MKRN2: variants seen among roughly 807,000 people sequenced by gnomAD.
The protein encoded by MKRN2 is makorin ring finger protein 2.
MKRN2 carries 32 observed loss-of-function variants against 45.4 expected under a neutral mutation model. The observed-to-expected ratio is 0.70, with a 90% CI of 0.53 to 0.95. MKRN2 has a LOEUF of 0.95. Ranked by LOEUF, MKRN2 falls within the 40% of genes least tolerant of loss-of-function variation. MKRN2 has a pLI of 0.00. For missense variants in MKRN2, 526 were observed against 536.7 expected (o/e 0.98, Z 0.20); for synonymous variants, 206 against 192.4 (o/e 1.07, Z -0.59).
chr3:12,570,171 G>A lies in MKRN2; in HGVS notation c.256G>A (p.Glu86Lys), dbSNP rs748060166. 1.3e-5 allele frequency: 21 copies of A among 1,614,020 alleles called. No individual in the cohort carries two copies. Among genetic ancestry groups the A allele is most frequent in the Middle Eastern group, 1.6e-4 (1 of 6,084 alleles). Residue 86 changes from glutamate to lysine, a missense_variant, in exon 3 of 8, where the codon GAG becomes AAG. Glu to Lys is a moderately conservative substitution (Grantham distance 56). Transcript: ENST00000170447. Reference sequence around the variant, plus strand: ...TTTCCACAGTCCTCACCCTCCTTCCGAGGTCACTGCATCCATTGTGAAAAC... The same window carrying A: ...TTTCCACAGTCCTCACCCTCCTTCCAAGGTCACTGCATCCATTGTGAAAAC... ...PAFHSPHPPS[E>K]VTASIVKTNS... is the part of the protein sequence containing the mutation.
chr3:12,568,962 G>C lies in MKRN2; in HGVS notation c.114G>C (p.Lys38Asn). 6.2e-7 allele frequency: 1 copy of C among 1,614,158 alleles called. No individual in the cohort carries two copies. The highest frequency in any genetic ancestry group is 1.1e-5 in the South Asian group (1 of 91,074). Residue 38 changes from lysine to asparagine, a missense_variant, in exon 2 of 8, where the codon AAG becomes AAC. Physicochemically the swap from Lys to Asn is moderately conservative, Grantham distance 94. Coordinates refer to ENST00000170447, the MANE Select transcript of MKRN2 (RefSeq NM_014160.5). ...LANSKPSTIC[K>N]YYQKGYCAYG... ...ACAGCAAACCGTCCACCATCTGCAA[G>C]TACTACCAGAAGGGCTACTGTGCCT...
chr3:12,568,997 G>T lies in MKRN2; in HGVS notation c.149G>T (p.Arg50Leu). Residue 50 changes from arginine to leucine, a missense_variant, in exon 2 of 8, where the codon CGG (arginine) becomes CTG (leucine). Arg to Leu is a moderately radical substitution (Grantham distance 102, BLOSUM62 -2). Coordinates refer to ENST00000170447, the MANE Select transcript of MKRN2 (RefSeq NM_014160.5). ...AAGGGCTACTGTGCCTATGGAACTC[G>T]GTGCAGGCAAGGACTCTGCAACAGA... ...YQKGYCAYGT[R>L]CRYDHTRPSA... is the part of the protein sequence containing the mutation. 1 of 1,613,812 alleles carries T rather than the reference G, an allele frequency of 6.2e-7. No homozygotes were observed. Among genetic ancestry groups the T allele is most frequent in the South Asian group, 1.1e-5 (1 of 90,972 alleles).
At chr3:12,580,852 G>A (rs112895579) in intron 6 of MKRN2, among the ~76,000 whole-genome samples, 15 of 152,348 alleles carry the variant, frequency 9.8e-5, no homozygotes, top group African/African-American at 3.4e-4. Context: ...AAAACCACTG[G>A]ATTCAGGAGC....
intron 1 of MKRN2, among the ~76,000 whole-genome samples, chr3:12,559,491 T>A (rs2058018207): frequency 6.6e-6 from 1 of 152,158 alleles, no homozygotes; most frequent in Admixed American, 6.5e-5. Flanking sequence ...TTTTCCTGAC[T>A]GTGGGATGTG....
At chr3:12,580,578 C>T (rs2058170995) in intron 6 of MKRN2, among the ~76,000 whole-genome samples, 1 of 152,154 alleles carries the variant, frequency 6.6e-6, no homozygotes, top group African/African-American at 2.4e-5. Context: ...TCAGCCTCAG[C>T]CTCCCGAGTA....
chr3:12,578,312 C>CTTT (rs71063833), intron 6 of MKRN2, among the ~76,000 whole-genome samples: 802 of 71,186 alleles, frequency 0.011, 5 homozygotes, highest in Middle Eastern at 0.026. Context: ...AGAGCTACTT[C>CTTT]TTTTTTTTTT....
chr3:12,570,020 G>A (rs1162276613), intron 2 of MKRN2, 51 bp from the exon 3 acceptor site: 1 of 1,504,630 alleles, frequency 6.6e-7, no homozygotes, highest in African/African-American at 1.4e-5. Flanking sequence ...GAGTGTGGGA[G>A]ATGTGTGTGG....
At chr3:12,557,848 G>A (rs1559385261) in intron 1 of MKRN2, among the ~76,000 whole-genome samples, 2 of 152,210 alleles carry the variant, frequency 1.3e-5, no homozygotes, top group African/African-American at 4.8e-5. Context: ...ATCTTACTGA[G>A]AGAGCCATTT....
At chr3:12,575,260 G>T (rs1422175107) in intron 5 of MKRN2, among the ~76,000 whole-genome samples, 1 of 152,166 alleles carries the variant, frequency 6.6e-6, no homozygotes, top group African/African-American at 2.4e-5. Flanking sequence ...GTGTAAAAAG[G>T]TGTTAAATGG....
intron 6 of MKRN2, among the ~76,000 whole-genome samples, chr3:12,579,099 A>G (rs73130303): frequency 0.01 from 1,578 of 152,256 alleles, 21 homozygotes; most frequent in African/African-American, 0.036. Context: ...GCAATCCACA[A>G]ACATTTACTG....
At chr3:12,559,892 A>C (rs1438066043) in intron 1 of MKRN2, among the ~76,000 whole-genome samples, 1 of 152,186 alleles carries the variant, frequency 6.6e-6, no homozygotes, top group Admixed American at 6.5e-5. Context: ...CACTATTAGA[A>C]GACACAGGAT....
Position 12,572,269 on chromosome 3 carries a change from C to T in MKRN2, c.538C>T (p.Arg180Trp), listed in dbSNP as rs749783897. The T allele has an allele frequency of 5.0e-6, 8 of 1,613,844 alleles. No individual in the cohort carries two copies. Among genetic ancestry groups the T allele is most frequent in the African/African-American group, 1.3e-5 (1 of 74,858 alleles). ...CCCCTACGCAGCTGCTGGGGAGTGCCGGTTTGGGGATGCCTGTGTCTACCT... is the reference window on the plus strand; with the variant it reads ...CCCCTACGCAGCTGCTGGGGAGTGCTGGTTTGGGGATGCCTGTGTCTACCT... ...LCPYAAAGEC[R>W]FGDACVYLHG... The change falls in exon 4 of 8, where the codon CGG becomes TGG. Residue 180 changes from arginine (R) to tryptophan (W), a missense_variant. Arg to Trp is a moderately radical substitution (Grantham distance 101). Transcript: ENST00000170447.
In MKRN2 at chr3:12,582,443, C is replaced by G. The variant is rs540046248; in HGVS notation, c.*190C>G. ...GGAAGAGTGAAAGATATAAAGTAAC[C>G]TAATTAAATGTATGGAATTGCTATT... On this transcript the variant is annotated 3_prime_UTR_variant, in exon 8 of 8. Coordinates refer to ENST00000170447, the MANE Select transcript of MKRN2 (RefSeq NM_014160.5). 2 of 680,816 alleles carry G rather than the reference C, an allele frequency of 2.9e-6. No individual in the cohort carries two copies. The highest frequency in any genetic ancestry group is 4.8e-6 in the Non-Finnish European group (2 of 417,468). 42.2% of individuals were successfully genotyped at this position (680,816 alleles called of 1,614,324 possible).
chr3:12,568,522 T>C (rs769448849), intron 1 of MKRN2, among the ~76,000 whole-genome samples: 8 of 152,244 alleles, frequency 5.3e-5, no homozygotes, highest in Non-Finnish European at 8.8e-5. Flanking sequence ...CTGGTTTCGT[T>C]AGTCATGCCC....
At chr3:12,578,126 A>C (rs867248326) in intron 6 of MKRN2, among the ~76,000 whole-genome samples, 1 of 152,254 alleles carries the variant, frequency 6.6e-6, no homozygotes, top group Middle Eastern at 3.4e-3. Context: ...GAGTTTATAC[A>C]CAGCCTTTGA....
Position 12,576,753 on chromosome 3 carries a change from T to C in MKRN2, c.968+12T>C, listed in dbSNP as rs1341935315. On this transcript the variant is annotated intron_variant, in intron 6 of 7. Coordinates refer to ENST00000170447, the MANE Select transcript of MKRN2 (RefSeq NM_014160.5). ...AAACAGGGGATGGGGTAAGTGCTTT[T>C]GAGTTTCGACGTGCCCCTGCTGCCT... 6.4e-7 allele frequency: 1 copy of C among 1,564,772 alleles called. No individual in the cohort carries two copies. Among genetic ancestry groups the C allele is most frequent in the East Asian group, 2.3e-5 (1 of 44,414 alleles).
At chr3:12,567,528 AC>A (rs1344755750) in intron 1 of MKRN2, among the ~76,000 whole-genome samples, 1 of 122,736 alleles carries the variant, frequency 8.1e-6, no homozygotes, top group South Asian at 2.4e-4. Flanking sequence ...TGCTCTTGTC[AC>A]CCAGGCTGGA....
At position 12,557,100 on chromosome 3, in the gene MKRN2, C is replaced by A; in HGVS notation, c.-51C>A. 1.3e-6 allele frequency: 2 copies of A among 1,481,824 alleles called. No individual in the cohort carries two copies. 91.8% of individuals were successfully genotyped at this position (1,481,824 alleles called of 1,614,324 possible). On this transcript the variant is annotated 5_prime_UTR_variant, in exon 1 of 8. Transcript: ENST00000170447. ...CGGGCCAGGGCCAAGGCCGAGGCGG[C>A]AGCGGCTGCGAGAGGCGGCGGCACG...
chr3:12,581,688 C>A, intron 6 of MKRN2, 120 bp from the exon 7 acceptor site: 1 of 1,106,996 alleles, frequency 9.0e-7, no homozygotes, highest in Non-Finnish European at 1.3e-6. Context: ...GCTGCCCCAC[C>A]TAGAATGTGA....
Sources: allele counts gnomAD v4.1 joint callset (sites outside exome capture counted in the v4.1 genomes callset), GRCh38; gene constraint gnomAD v4.1.1; transcripts MANE v1.5; gene names NCBI Gene and HGNC (gene_info 2026-07-23, HGNC 2026-07-21).